GPHN: variants seen among roughly 807,000 people sequenced by gnomAD.
GPHN encodes the protein gephyrin.
GPHN carries 17 observed loss-of-function variants against 95.5 expected under a neutral mutation model. That is an observed-to-expected ratio of 0.18 (90% CI 0.12 to 0.27). The LOEUF (loss-of-function observed/expected upper bound fraction) is 0.27. Among genes scored for constraint, GPHN ranks in the 10% least tolerant of loss-of-function variants. GPHN has a pLI of 1.00. For synonymous variants in GPHN, 320 were observed against 322.5 expected, an observed-to-expected ratio of 0.99 and a Z score of 0.08; for missense variants, 660 against 978.1, an observed-to-expected ratio of 0.67 and a Z score of 4.34.
intron 2 of GPHN, among the ~76,000 whole-genome samples, chr14:66,764,291 G>C (rs1405662485): frequency 6.6e-6 from 1 of 152,036 alleles, no homozygotes; most frequent in Non-Finnish European, 1.5e-5. Flanking sequence ...TCTATATAAG[G>C]GACTTGAGCA....
At chr14:67,597,721 G>A in the GPHN span, among the ~76,000 whole-genome samples, 1 of 151,204 alleles carries the variant, frequency 6.6e-6, no homozygotes, top group Non-Finnish European at 1.5e-5. Flanking sequence ...TATTCTGGAG[G>A]ATACTCTGAT....
At chr14:66,969,904 A>G (rs1323224270) in intron 9 of GPHN, 2 of 152,134 alleles carry the variant, frequency 1.3e-5, no homozygotes, top group African/African-American at 4.8e-5. Flanking sequence ...CTTTCAATTT[A>G]CCATTCATTT....
rs149193136 is a variant in GPHN, at chr14:66,975,244, G to C, written c.963+9919G>C. On this transcript the variant is annotated intron_variant, in intron 9 of 22. Transcript: ENST00000478722. ...CTTATTTTCTAGTTTTAAAAACAAT[G>C]CTGTAGATAATCTTTCAGAAGTTAA... Among the ~76,000 whole-genome samples, 124 of 152,222 alleles carry C rather than the reference G, an allele frequency of 8.1e-4. No individual in the cohort carries two copies. The East Asian group carries it at 0.02, about 25-fold the overall frequency.
intron 1 of GPHN, among the ~76,000 whole-genome samples, chr14:66,638,043 A>T (rs934504348): frequency 6.6e-6 from 1 of 152,070 alleles, no homozygotes; most frequent in African/African-American, 2.4e-5. Context: ...TACCACCTGG[A>T]TCTATTGGGC....
chr14:67,129,756 T>TAGAAAGAA (rs755911480), intron 17 of GPHN, among the ~76,000 whole-genome samples: 2 of 112,060 alleles, frequency 1.8e-5, no homozygotes, highest in South Asian at 2.7e-4. Context: ...CATCATTGAC[T>TAGAAAGAA]AGAAAGAAAG....
the GPHN span, among the ~76,000 whole-genome samples, chr14:67,633,933 G>A: frequency 5.3e-5 from 8 of 152,088 alleles, no homozygotes; most frequent in African/African-American, 7.2e-5. Context: ...CTCTGTTCCC[G>A]CCACACCCTT....
intron 9 of GPHN, among the ~76,000 whole-genome samples, chr14:67,010,713 T>A (rs2072947985): frequency 6.6e-6 from 1 of 152,088 alleles, no homozygotes; most frequent in Admixed American, 6.5e-5. Context: ...CTCTAATGGA[T>A]GAGTTTCTGC....
chr14:67,344,496 TA>T, the GPHN span, among the ~76,000 whole-genome samples: 2 of 152,008 alleles, frequency 1.3e-5, no homozygotes, highest in Non-Finnish European at 2.9e-5. Context: ...ACTGGCCACA[TA>T]GGGGAAAAAA....
At chr14:67,519,868 G>A in the GPHN span, among the ~76,000 whole-genome samples, 4 of 152,036 alleles carry the variant, frequency 2.6e-5, no homozygotes, top group Admixed American at 6.5e-5. Context: ...GACTACAGGC[G>A]TACGCCACCA....
At chr14:67,307,761 C>T in the GPHN span, among the ~76,000 whole-genome samples, 15 of 151,478 alleles carry the variant, frequency 9.9e-5, no homozygotes, top group South Asian at 1.9e-3. Context: ...GATAAATCTG[C>T]GATAGTAAGA....
At chr14:67,289,264 C>T in the GPHN span, among the ~76,000 whole-genome samples, 1 of 151,880 alleles carries the variant, frequency 6.6e-6, no homozygotes, top group Non-Finnish European at 1.5e-5. Flanking sequence ...CACCATCGCA[C>T]GTGGCTGGCT....
the GPHN span, among the ~76,000 whole-genome samples, chr14:67,610,748 T>C: frequency 6.6e-6 from 1 of 152,112 alleles, no homozygotes; most frequent in African/African-American, 2.4e-5. Flanking sequence ...CCCCTGTGAT[T>C]CTATCCCCAG....
intron 12 of GPHN, among the ~76,000 whole-genome samples, chr14:67,098,667 C>G (rs959770700): frequency 6.6e-6 from 1 of 151,838 alleles, no homozygotes; most frequent in Non-Finnish European, 1.5e-5. Flanking sequence ...AAATAAAATA[C>G]AAAAATTAGC....
chr14:66,893,573 G>T (rs1342350659), intron 5 of GPHN, among the ~76,000 whole-genome samples: 1 of 152,174 alleles, frequency 6.6e-6, no homozygotes, highest in African/African-American at 2.4e-5. Flanking sequence ...AAGTCAAATT[G>T]TCCCTGTTTG....
At position 66,852,839 on chromosome 14, in the gene GPHN, A is replaced by G. The variant is rs569591447; in HGVS notation, c.295-27100A>G. ...TTGATGGTAATTACACCTGTTGTCT[A>G]TTGACTAAAGCAAATATGTGATACT... On this transcript the variant is annotated intron_variant, in intron 4 of 22. Coordinates refer to ENST00000478722, the MANE Select transcript of GPHN (RefSeq NM_020806.5). Among the ~76,000 whole-genome samples the G allele has an allele frequency of 7.8e-4, 119 of 152,346 alleles. 1 individual carries two copies. The highest frequency in any genetic ancestry group is 2.5e-3 in the Admixed American group (38 of 15,296).
chr14:67,688,681 G>A, the GPHN span, among the ~76,000 whole-genome samples: 33 of 150,750 alleles, frequency 2.2e-4, no homozygotes, highest in Admixed American at 1.7e-3. Flanking sequence ...GTGATCCTCC[G>A]GTTTTGGCCT....
the GPHN span, among the ~76,000 whole-genome samples, chr14:67,363,517 G>A: frequency 6.6e-6 from 1 of 152,082 alleles, no homozygotes; most frequent in South Asian, 2.1e-4. Context: ...AGAGAATATA[G>A]TCTTACTGAT....
At chr14:67,583,628 C>G in the GPHN span, 1 of 722,744 alleles carries the variant, frequency 1.4e-6, no homozygotes, top group East Asian at 2.8e-5. Flanking sequence ...CACAACCACT[C>G]GCACCCCACC....
At chr14:67,073,712 T>A (rs1418403375) in intron 11 of GPHN, among the ~76,000 whole-genome samples, 1 of 152,196 alleles carries the variant, frequency 6.6e-6, no homozygotes, top group African/African-American at 2.4e-5. Context: ...CATTTGTATT[T>A]ATTCCAAACT....
Sources: gnomAD v4.1 joint callset for allele counts (sites outside exome capture counted in the v4.1 genomes callset) on GRCh38, gnomAD v4.1.1 for gene constraint, MANE v1.5 for transcripts, NCBI Gene and HGNC (gene_info 2026-07-23, HGNC 2026-07-21) for gene names.